The following SPON2 variants were observed in gnomAD, a reference collection of about 807,000 sequenced individuals.
SPON2 encodes spondin-2.
SPON2 carries 32 observed loss-of-function variants against 29.9 expected under a neutral mutation model. The ratio of observed to expected loss-of-function variants is 1.07; its 90% CI spans 0.81 to 1.44. The LOEUF is 1.44. SPON2 is among the 40% of genes most tolerant of loss of function. SPON2 has a pLI of 0.00. For synonymous variants in SPON2, 248 were observed against 209.1 expected, an observed-to-expected ratio of 1.19 and a Z score of -1.61; for missense variants, 541 against 455.5, an observed-to-expected ratio of 1.19 and a Z score of -1.71.
At chr4:1,170,941 G>A in intron 4 of SPON2, 58 bp downstream of exon 4, 1 of 1,541,952 alleles carries the variant, frequency 6.5e-7, no homozygotes, top group East Asian at 2.5e-5. Flanking sequence ...CCAGGCCCCA[G>A]CCCCGTCCCC....
chr4:1,170,459 T>A lies in SPON2; in HGVS notation c.754A>T (p.Ile252Phe). 1 of 1,613,984 alleles carries A rather than the reference T, an allele frequency of 6.2e-7. No homozygotes were observed. Among genetic ancestry groups the A allele is most frequent in the Non-Finnish European group, 8.5e-7 (1 of 1,179,956 alleles). Residue 252 changes from isoleucine (I) to phenylalanine (F), a missense_variant, in exon 5 of 6, where the codon ATC becomes TTC. Coordinates refer to ENST00000290902, the MANE Select transcript of SPON2 (RefSeq NM_012445.4). ...CTGGGCAGGACTGGGGCGGGAGGGATGAAGGCCCTGGGGCTCTGTCGCAGC... is the reference window on the plus strand; with the variant it reads ...CTGGGCAGGACTGGGGCGGGAGGGAAGAAGGCCCTGGGGCTCTGTCGCAGC... ...VRLRQSPRAF[I>F]PPAPVLPSRD...
At chr4:1,168,553 C>G (rs1404595127) in intron 5 of SPON2, among the ~76,000 whole-genome samples, 1 of 152,238 alleles carries the variant, frequency 6.6e-6, no homozygotes, top group Admixed American at 6.5e-5. Context: ...TTGCAAAGAC[C>G]TTGGGCGCTG....
chr4:1,180,405 G>A (rs867589835), intron 1 of SPON2, among the ~76,000 whole-genome samples: 2 of 146,722 alleles, frequency 1.4e-5, no homozygotes, highest in Admixed American at 1.3e-4. Flanking sequence ...GGGAATGGAG[G>A]TGTATCTGGT....
upstream of SPON2, among the ~76,000 whole-genome samples, chr4:1,174,762 C>T (rs896492353): frequency 6.6e-6 from 1 of 152,128 alleles, no homozygotes; most frequent in Non-Finnish European, 1.5e-5. Flanking sequence ...TACGTTGGTG[C>T]GAATCTTTGT....
Position 1,167,346 on chromosome 4 carries a change from G to C in SPON2, c.*126C>G. On this transcript the variant is annotated 3_prime_UTR_variant, in exon 6 of 6. Transcript: ENST00000290902. ...CCTTCAGTGCAGAGATGGTCGGCGC[G>C]GCCTCACCGCGGTCAGGAGCAGCGC... 2.0e-6 allele frequency: 2 copies of C among 991,860 alleles called. No homozygotes were observed. The highest frequency in any genetic ancestry group is 2.5e-5 in the East Asian group (1 of 40,342). 61.4% of individuals were successfully genotyped at this position (991,860 alleles called of 1,614,324 possible). A position where few individuals can be genotyped will look rare whatever the true frequency, so the allele number is the denominator to read the frequency against.
chr4:1,174,184 G>C (rs1727541525), upstream of SPON2, among the ~76,000 whole-genome samples: 1 of 150,594 alleles, frequency 6.6e-6, no homozygotes. Context: ...TGAACTGTGT[G>C]TGCCACTGCC....
At chr4:1,201,227 G>T (rs1215222854) in intron 1 of SPON2, 1 of 421,768 alleles carries the variant, frequency 2.4e-6, no homozygotes, top group Non-Finnish European at 4.9e-6. Context: ...AGAGGGGGTG[G>T]GTCTGGCCCT....
chr4:1,169,316 C>G (rs1214043497), intron 5 of SPON2, among the ~76,000 whole-genome samples: 1 of 152,080 alleles, frequency 6.6e-6, no homozygotes, highest in Non-Finnish European at 1.5e-5. Flanking sequence ...TCGGGGACAT[C>G]TGCTTGGAAT....
At chr4:1,177,725 C>T (rs559728105), upstream of SPON2, among the ~76,000 whole-genome samples, 1 of 152,266 alleles carries the variant, frequency 6.6e-6, no homozygotes, top group South Asian at 2.1e-4. Flanking sequence ...GGCATGTCAA[C>T]GGCTCTTTCA....
rs970337286 is a variant in SPON2 at position 1,171,991 on chromosome 4, C to T, written c.81G>A (p.Gln27=). ...LLLATLGAAG[Q]PLGGESICSA... ...AACAGATGGACTCTCCCCCAAGAGG[C>T]TGGCCGGCGGCGCCGAGAGTGGCCA... Residue 27 remains glutamine, a synonymous_variant, in exon 2 of 6, where the codon CAG becomes CAA. Coordinates refer to ENST00000290902, the MANE Select transcript of SPON2 (RefSeq NM_012445.4). 6.1e-5 allele frequency: 98 copies of T among 1,612,796 alleles called. No individual in the cohort carries two copies. Among genetic ancestry groups the T allele is most frequent in the Non-Finnish European group, 8.1e-5 (95 of 1,179,908 alleles).
chr4:1,191,733 CG>C (rs1727918179), intron 1 of SPON2, among the ~76,000 whole-genome samples: 1 of 152,206 alleles, frequency 6.6e-6, no homozygotes, highest in South Asian at 2.1e-4. Flanking sequence ...GAGGCCTCCT[CG>C]GGCTGTGTAG....
chr4:1,171,546 T>A, intron 2 of SPON2, 60 bp from the exon 3 acceptor site: 1 of 1,530,768 alleles, frequency 6.5e-7, no homozygotes, highest in South Asian at 1.1e-5. Context: ...GGGCTTGGAT[T>A]CCAGGGGGCG....
At chr4:1,189,638 CAAAA>C (rs61543201) in intron 1 of SPON2, among the ~76,000 whole-genome samples, 4 of 60,250 alleles carry the variant, frequency 6.6e-5, no homozygotes, top group East Asian at 5.1e-4. Flanking sequence ...GACCCTGTCT[CAAAA>C]AAAAAAAAAA....
chr4:1,202,273 A>G lies in SPON2; in HGVS notation c.-234+5607T>C, dbSNP rs1728229500. ...TGGGTCTGCCCCACAAGCCCTTTTC[A>G]TGGTGGCTTTAGTCACAAGGGCTCT... On this transcript the variant is annotated intron_variant, in intron 1 of 3. Transcript: ENST00000509233. The surrounding 1 kb of genome is among the most constrained non-coding windows in gnomAD (Gnocchi z 5.4). Among the ~76,000 whole-genome samples, 1 of 152,098 alleles carries G rather than the reference A, an allele frequency of 6.6e-6. No homozygotes were observed. Among genetic ancestry groups the G allele is most frequent in the African/African-American group, 2.4e-5 (1 of 41,416 alleles).
At chr4:1,204,201 T>C (rs1430637957) in intron 1 of SPON2, among the ~76,000 whole-genome samples, 2 of 152,148 alleles carry the variant, frequency 1.3e-5, no homozygotes, top group East Asian at 3.8e-4. Flanking sequence ...TTTAACTAGG[T>C]TGTTTATCTT....
chr4:1,194,462 G>T (rs1445823576), intron 1 of SPON2, among the ~76,000 whole-genome samples: 1 of 152,032 alleles, frequency 6.6e-6, no homozygotes, highest in East Asian at 1.9e-4. Context: ...CCTGCAGGGG[G>T]AGTGGGAAGA....
At chr4:1,193,907 CGGGTGGCGTGGAAAGGACGTGG>C (rs1489596708) in intron 1 of SPON2, among the ~76,000 whole-genome samples, 1 of 44,970 alleles carries the variant, frequency 2.2e-5, no homozygotes, top group Non-Finnish European at 5.0e-5. Flanking sequence ...GAAGGACGTG[CGGGTGGCGTGGAAAGGACGTGG>C]GGGAGCTGTG....
chr4:1,171,989 G>T lies in SPON2; in HGVS notation c.83C>A (p.Pro28His). 1 of 1,612,946 alleles carries T rather than the reference G, an allele frequency of 6.2e-7. No homozygotes were observed. The change falls in exon 2 of 6, where the codon CCT becomes CAT. Residue 28 changes from proline (P) to histidine (H), a missense_variant. Transcript: ENST00000290902. ...GGAACAGATGGACTCTCCCCCAAGA[G>T]GCTGGCCGGCGGCGCCGAGAGTGGC... ...LLATLGAAGQ[P>H]LGGESICSAR...
At chr4:1,195,841 C>T (rs540272869), upstream of SPON2, among the ~76,000 whole-genome samples, 276 of 152,218 alleles carry the variant, frequency 1.8e-3, 2 homozygotes, top group African/African-American at 6.2e-3. Context: ...CGCTGTGTTG[C>T]ACAGGCTGGT....
Sources: gnomAD v4.1 joint callset for allele counts (sites outside exome capture counted in the v4.1 genomes callset) on GRCh38, gnomAD v4.1.1 for gene constraint, Gnocchi (gnomAD v3.1) non-coding constraint, MANE v1.5 for transcripts, NCBI Gene and HGNC (gene_info 2026-07-23, HGNC 2026-07-21) for gene names.